TSHZ1: variants seen among roughly 807,000 people sequenced by gnomAD.
TSHZ1 encodes teashirt zinc finger homeobox 1, also known as teashirt homolog 1.
A neutral mutation model predicts 67.1 loss-of-function variants in TSHZ1; 12 were observed. The observed-to-expected ratio is 0.18, with a 90% CI of 0.11 to 0.29. The LOEUF is 0.29. Among genes scored for constraint, TSHZ1 ranks in the 10% least tolerant of loss-of-function variants. The pLI is 1.00. For missense variants in TSHZ1, 1,305 were observed against 1,413.9 expected, an observed-to-expected ratio of 0.92 and a Z score of 1.23; for synonymous variants, 632 against 622.4, an observed-to-expected ratio of 1.02 and a Z score of -0.23.
intron 1 of TSHZ1, among the ~76,000 whole-genome samples, chr18:75,271,670 T>C (rs896337018): frequency 6.6e-6 from 1 of 152,150 alleles, no homozygotes; most frequent in Non-Finnish European, 1.5e-5. Flanking sequence ...GTTGGGAAGG[T>C]AGCATTTTCG....
chr18:75,245,858 C>T (rs2122557345), intron 1 of TSHZ1, among the ~76,000 whole-genome samples: 1 of 152,246 alleles, frequency 6.6e-6, no homozygotes, highest in South Asian at 2.1e-4. Flanking sequence ...AATGGATGCC[C>T]ACTCTATGTA....
In TSHZ1 at chr18:75,288,574, T is replaced by G. The variant is rs1404262649; in HGVS notation, c.3167T>G (p.Leu1056Arg). The change falls in exon 2 of 2, where the codon CTT becomes CGT. Residue 1056 changes from leucine to arginine, a missense_variant. Leu to Arg is a moderately radical substitution (Grantham distance 102). Transcript: ENST00000580243. This position sits in a 1 kb window ranked among gnomAD's most constrained non-coding sequence, Gnocchi z 4.9. ...AGCAAGCACGCAGTCAAACTGCACC[T>G]TAGTAAGACCCACGGCAAGTCTCCC... is the stretch of plus-strand genomic sequence containing the variant. ...FASKHAVKLH[L>R]SKTHGKSPED... is the part of the protein sequence containing the mutation. 6.2e-7 allele frequency: 1 copy of G among 1,613,906 alleles called. No homozygotes were observed. Among genetic ancestry groups the G allele is most frequent in the Non-Finnish European group, 8.5e-7 (1 of 1,179,946 alleles).
chr18:75,287,627 T>C lies in TSHZ1; in HGVS notation c.2220T>C (p.Pro740=), dbSNP rs373819028. 2.5e-6 allele frequency: 4 copies of C among 1,614,016 alleles called. No individual in the cohort carries two copies. In the African/African-American group the frequency reaches 5.3e-5, roughly 22 times the overall value. Residue 740 remains proline (P), a synonymous_variant, in exon 2 of 2, where the codon CCT becomes CCC. Transcript: ENST00000580243. This position sits in a 1 kb window ranked among gnomAD's most constrained non-coding sequence, Gnocchi z 5.0. ...LGIIMDHSPE[P]SFINPLSALQ... Reference sequence around the variant, plus strand: ...TCATCATGGACCACTCACCGGAGCCTTCCTTCATCAACCCGCTGAGCGCTT... The same window carrying C: ...TCATCATGGACCACTCACCGGAGCCCTCCTTCATCAACCCGCTGAGCGCTT...
intron 1 of TSHZ1, among the ~76,000 whole-genome samples, chr18:75,246,777 T>C (rs2122558977): frequency 6.6e-6 from 1 of 152,298 alleles, no homozygotes; most frequent in Admixed American, 6.5e-5. Flanking sequence ...GAGCTTGAGA[T>C]GTGGCAAATT....
intron 1 of TSHZ1, among the ~76,000 whole-genome samples, chr18:75,246,893 T>C (rs2122559139): frequency 6.6e-6 from 1 of 152,292 alleles, no homozygotes; most frequent in Middle Eastern, 3.4e-3. Flanking sequence ...CAGAATTTTG[T>C]CAATATTTTT....
Position 75,287,188 on chromosome 18 carries a change from C to A in TSHZ1, c.1781C>A (p.Ala594Glu), listed in dbSNP as rs116096444. 15 of 1,613,532 alleles carry A rather than the reference C, an allele frequency of 9.3e-6. No homozygotes were observed. The highest frequency in any genetic ancestry group is 1.2e-5 in the Non-Finnish European group (14 of 1,179,810). ...CCGGGCACCGTGAAGCCACTGCCGG[C>A]GGCCGTGCAGAGCGTGCAGGTGCAG... is the stretch of plus-strand genomic sequence containing the variant. ...QLPGTVKPLPAAVQSVQVQPS... is the reference protein window; with the variant it reads ...QLPGTVKPLPEAVQSVQVQPS... The change falls in exon 2 of 2, where the codon GCG becomes GAG. Residue 594 changes from alanine (A) to glutamate (E), a missense_variant. Ala to Glu is a moderately radical substitution (Grantham distance 107, BLOSUM62 -1). Coordinates refer to ENST00000580243, the MANE Select transcript of TSHZ1 (RefSeq NM_001308210.2). This position sits in a 1 kb window ranked among gnomAD's most constrained non-coding sequence, Gnocchi z 5.0.
intron 1 of TSHZ1, among the ~76,000 whole-genome samples, chr18:75,219,678 C>T (rs201532124): frequency 1.3e-5 from 2 of 152,186 alleles, no homozygotes; most frequent in East Asian, 1.9e-4. Context: ...CCCACAACAA[C>T]GCAGTATTCT....
In TSHZ1 at chr18:75,226,141, G is replaced by C. The variant is rs118167525; in HGVS notation, c.40+14225G>C. ...TTATATCAAATATAAACATATGTTT[G>C]CAGTGTACAAATGTCTTGCATATTC... On this transcript the variant is annotated intron_variant, in intron 1 of 1. Transcript: ENST00000580243. Among the ~76,000 whole-genome samples the C allele has an allele frequency of 1.4e-3, 207 of 152,284 alleles. 5 individuals are homozygous for C. In the East Asian group the frequency reaches 0.037, roughly 27 times the overall value.
Position 75,261,455 on chromosome 18 carries a change from G to A in TSHZ1, c.41-23993G>A, listed in dbSNP as rs75351464. On this transcript the variant is annotated intron_variant, in intron 1 of 1. Coordinates refer to ENST00000580243, the MANE Select transcript of TSHZ1 (RefSeq NM_001308210.2). ...ATACATGGCCTGACCCATGCACTAC[G>A]ACCATCAGCTCAACCTTGGATGAGA... is the stretch of plus-strand genomic sequence containing the variant. Among the ~76,000 whole-genome samples, 542 of 152,276 alleles carry A rather than the reference G, an allele frequency of 3.6e-3. 2 individuals carry two copies. The highest frequency in any genetic ancestry group is 0.027 in the Middle Eastern group (8 of 294).
At position 75,287,450 on chromosome 18, in the gene TSHZ1, G is replaced by T; in HGVS notation, c.2043G>T (p.Pro681=). ...TAGCAAAAGAGAATAAAGATTTCCCGAAAACGGAGGAAGTCAGCGGCAAAC... is the reference window on the plus strand; with the variant it reads ...TAGCAAAAGAGAATAAAGATTTCCCTAAAACGGAGGAAGTCAGCGGCAAAC... ...SPIAKENKDF[P]KTEEVSGKPQ... is the part of the protein sequence containing the mutation. Residue 681 remains proline, a synonymous_variant, in exon 2 of 2, where the codon CCG becomes CCT. Coordinates refer to ENST00000580243, the MANE Select transcript of TSHZ1 (RefSeq NM_001308210.2). This position sits in a 1 kb window ranked among gnomAD's most constrained non-coding sequence, Gnocchi z 5.0. The T allele has an allele frequency of 6.2e-7, 1 of 1,614,188 alleles. No homozygotes were observed. Among genetic ancestry groups the T allele is most frequent in the Non-Finnish European group, 8.5e-7 (1 of 1,180,028 alleles).
chr18:75,212,589 C>A (rs117628299), intron 1 of TSHZ1, among the ~76,000 whole-genome samples: 2,608 of 152,214 alleles, frequency 0.017, 112 homozygotes, highest in East Asian at 0.16. Flanking sequence ...TGTGATTGAT[C>A]GCCTGTCATC....
chr18:75,218,127 C>G (rs1400603611), intron 1 of TSHZ1, among the ~76,000 whole-genome samples: 1 of 152,102 alleles, frequency 6.6e-6, no homozygotes, highest in Non-Finnish European at 1.5e-5. Flanking sequence ...AAACAAAAGC[C>G]AGGACAATTT....
At chr18:75,237,539 A>T (rs113567696) in intron 1 of TSHZ1, among the ~76,000 whole-genome samples, 18 of 152,258 alleles carry the variant, frequency 1.2e-4, no homozygotes, top group African/African-American at 4.3e-4. Context: ...AAATAAGAAC[A>T]GTCATATATC....
Position 75,285,684 on chromosome 18 carries a change from T to C in TSHZ1, c.277T>C (p.Ser93Pro), listed in dbSNP as rs565073733. ...DQLAHFKGSS[S>P]REEKEDPQCP... Reference sequence around the variant, plus strand: ...GCTAGCCCATTTCAAAGGCTCTTCCTCTCGAGAAGAGAAGGAGGATCCGCA... The same window carrying C: ...GCTAGCCCATTTCAAAGGCTCTTCCCCTCGAGAAGAGAAGGAGGATCCGCA... The change falls in exon 2 of 2, where the codon TCT becomes CCT. Residue 93 changes from serine (S) to proline (P), a missense_variant. Ser to Pro is a moderately conservative substitution (Grantham distance 74, BLOSUM62 -1). This residue lies in a region of TSHZ1 where 358 missense variants were observed against 375.6 expected (regional missense o/e 0.95). Transcript: ENST00000580243. 3.1e-6 allele frequency: 5 copies of C among 1,613,934 alleles called. No individual in the cohort carries two copies. The highest frequency in any genetic ancestry group is 4.2e-6 in the Non-Finnish European group (5 of 1,180,002).
At position 75,270,141 on chromosome 18, in the gene TSHZ1, C is replaced by T. The variant is rs150621110; in HGVS notation, c.41-15307C>T. Reference sequence around the variant, plus strand: ...CCATTGCGGCATTATGATTGTGTGTCAGGTTGTGTGTCCACCCCCGGCTGT... The same window carrying T: ...CCATTGCGGCATTATGATTGTGTGTTAGGTTGTGTGTCCACCCCCGGCTGT... On this transcript the variant is annotated intron_variant, in intron 1 of 1. Transcript: ENST00000580243. Among the ~76,000 whole-genome samples, 33 of 152,304 alleles carry T rather than the reference C, an allele frequency of 2.2e-4. No homozygotes were observed. In the East Asian group the frequency reaches 4.8e-3, roughly 22 times the overall value.
chr18:75,270,941 C>T (rs1163038873), intron 1 of TSHZ1, among the ~76,000 whole-genome samples: 3 of 152,180 alleles, frequency 2.0e-5, no homozygotes, highest in African/African-American at 4.8e-5. Context: ...GAGAGAACCA[C>T]GGAAATGAAG....
chr18:75,272,711 G>A (rs1404111744), intron 1 of TSHZ1, among the ~76,000 whole-genome samples: 1 of 152,174 alleles, frequency 6.6e-6, no homozygotes, highest in Non-Finnish European at 1.5e-5. Context: ...ATCTAGCAAG[G>A]GGAATACGTG....
At chr18:75,256,137 A>T (rs1039020632) in intron 1 of TSHZ1, among the ~76,000 whole-genome samples, 1 of 152,246 alleles carries the variant, frequency 6.6e-6, no homozygotes, top group Non-Finnish European at 1.5e-5. Context: ...TCTATTATCA[A>T]TGTAACTATG....
Position 75,286,490 on chromosome 18 carries a change from C to T in TSHZ1, c.1083C>T (p.Pro361=). Residue 361 remains proline (P), a synonymous_variant, in exon 2 of 2, where the codon CCC becomes CCT. Transcript: ENST00000580243. The surrounding 1 kb of genome is among the most constrained non-coding windows in gnomAD (Gnocchi z 5.1). ...AGCGGGCGCTTCAGGACCTGGCGCC[C>T]CCCTGCTCCCCTGAGCCAGCAGGAA... is the stretch of plus-strand genomic sequence containing the variant. The part of the protein sequence containing the change: ...TKKRALQDLA[P]PCSPEPAGMA... The T allele has an allele frequency of 2.5e-6, 4 of 1,614,202 alleles. No individual in the cohort carries two copies. Among genetic ancestry groups the T allele is most frequent in the Non-Finnish European group, 3.4e-6 (4 of 1,180,042 alleles).
Sources: gnomAD v4.1 joint callset for allele counts (sites outside exome capture counted in the v4.1 genomes callset) on GRCh38, gnomAD v4.1.1 for gene constraint, gnomAD v4.1.1 regional missense constraint, Gnocchi (gnomAD v3.1) non-coding constraint, MANE v1.5 for transcripts, NCBI Gene and HGNC (gene_info 2026-07-23, HGNC 2026-07-21) for gene names.